The following CACNA2D3 variants were observed in gnomAD, a reference collection of about 807,000 sequenced individuals.
CACNA2D3 encodes the protein calcium voltage-gated channel auxiliary subunit alpha2delta 3, also known as voltage-dependent calcium channel subunit alpha-2/delta-3.
CACNA2D3 carries 60 observed loss-of-function variants against 160.6 expected under a neutral mutation model. That is an observed-to-expected ratio of 0.37 (90% CI 0.30 to 0.46). The LOEUF is 0.46. Ranked by LOEUF, CACNA2D3 falls within the 20% of genes least tolerant of loss-of-function variation. The probability of loss-of-function intolerance (pLI) is 1.00; values close to 1 mark genes in which losing one functional copy is unlikely to be tolerated. For missense variants in CACNA2D3, 1,205 were observed against 1,365.0 expected, an observed-to-expected ratio of 0.88 and a Z score of 1.85; for synonymous variants, 558 against 492.9, an observed-to-expected ratio of 1.13 and a Z score of -1.75.
chr3:54,191,825 G>T (rs566164883), intron 2 of CACNA2D3, among the ~76,000 whole-genome samples: 73 of 152,166 alleles, frequency 4.8e-4, no homozygotes, highest in Admixed American at 8.5e-4. Context: ...AAGAGAGAAT[G>T]TACACAGAGC....
At chr3:55,072,020 A>G (rs1184330161) in intron 35 of CACNA2D3, among the ~76,000 whole-genome samples, 2 of 152,264 alleles carry the variant, frequency 1.3e-5, no homozygotes, top group Admixed American at 6.5e-5. Flanking sequence ...CTGCTGGAGT[A>G]ACATTCTTGC....
At chr3:54,482,249 G>C (rs1404989105) in intron 4 of CACNA2D3, among the ~76,000 whole-genome samples, 3 of 152,146 alleles carry the variant, frequency 2.0e-5, no homozygotes, top group African/African-American at 7.2e-5. Context: ...TTTTGTTGTT[G>C]TATTTTTATC....
chr3:54,789,835 GA>G (rs1207234391), intron 13 of CACNA2D3: 1 of 516,828 alleles, frequency 1.9e-6, no homozygotes, highest in South Asian at 1.4e-5. Flanking sequence ...AGCTTAAAAT[GA>G]GCTGGGGCTT....
intron 13 of CACNA2D3, among the ~76,000 whole-genome samples, chr3:54,772,525 G>A (rs934513542): frequency 4.6e-5 from 7 of 152,028 alleles, no homozygotes; most frequent in African/African-American, 1.7e-4. Flanking sequence ...TCCTTTCAGG[G>A]CCCATTCTCC....
chr3:54,576,918 T>C (rs1702593878), intron 8 of CACNA2D3, among the ~76,000 whole-genome samples: 1 of 151,874 alleles, frequency 6.6e-6, no homozygotes, highest in Non-Finnish European at 1.5e-5. Flanking sequence ...GTGCCTGTGG[T>C]CCGAACTATT....
At chr3:54,252,118 C>T (rs1177421633) in intron 2 of CACNA2D3, among the ~76,000 whole-genome samples, 4 of 40,548 alleles carry the variant, frequency 9.9e-5, no homozygotes, top group Admixed American at 5.2e-4. Context: ...TTTTTTTGTA[C>T]GATACTCTCC....
chr3:54,250,662 C>G (rs944477085), intron 2 of CACNA2D3, among the ~76,000 whole-genome samples: 1 of 152,126 alleles, frequency 6.6e-6, no homozygotes, highest in Non-Finnish European at 1.5e-5. Context: ...TCTCAAACTT[C>G]TGGGCTCAAG....
intron 17 of CACNA2D3, among the ~76,000 whole-genome samples, chr3:54,857,542 G>A (rs1181517005): frequency 6.6e-6 from 1 of 152,184 alleles, no homozygotes; most frequent in Non-Finnish European, 1.5e-5. Flanking sequence ...ATGGGATTAT[G>A]CCACAGTTGC....
chr3:54,361,221 C>T (rs556974427), intron 3 of CACNA2D3, among the ~76,000 whole-genome samples: 1 of 151,304 alleles, frequency 6.6e-6, no homozygotes, highest in Non-Finnish European at 1.5e-5. Flanking sequence ...GATAGGTGGT[C>T]ATAAATGGAG....
chr3:54,276,911 G>A (rs1274563413), intron 2 of CACNA2D3, among the ~76,000 whole-genome samples: 1 of 152,242 alleles, frequency 6.6e-6, no homozygotes, highest in Non-Finnish European at 1.5e-5. Context: ...ACTGATGACT[G>A]TACACTGTGG....
intron 24 of CACNA2D3, among the ~76,000 whole-genome samples, chr3:54,890,055 T>G (rs1057136430): frequency 6.6e-6 from 1 of 152,238 alleles, no homozygotes; most frequent in Admixed American, 6.5e-5. Flanking sequence ...TCCACCATTT[T>G]GACTTTCATC....
chr3:54,578,835 T>C (rs1702629740), intron 8 of CACNA2D3, among the ~76,000 whole-genome samples: 1 of 152,232 alleles, frequency 6.6e-6, no homozygotes, highest in South Asian at 2.1e-4. Flanking sequence ...AAATCCCCTC[T>C]GGAGCCCCCA....
chr3:54,833,032 C>G (rs901628854), intron 14 of CACNA2D3, among the ~76,000 whole-genome samples: 3 of 152,198 alleles, frequency 2.0e-5, no homozygotes, highest in African/African-American at 7.2e-5. Flanking sequence ...CCACGTGGAC[C>G]TTGCACATGA....
At chr3:54,448,933 T>C (rs984481274) in intron 4 of CACNA2D3, among the ~76,000 whole-genome samples, 3 of 152,234 alleles carry the variant, frequency 2.0e-5, no homozygotes, top group Non-Finnish European at 2.9e-5. Context: ...TGTCTTGGAT[T>C]GACTCAAGAT....
chr3:54,137,000 A>G (rs1699825740), intron 2 of CACNA2D3, among the ~76,000 whole-genome samples: 1 of 152,180 alleles, frequency 6.6e-6, no homozygotes, highest in Non-Finnish European at 1.5e-5. Flanking sequence ...GCCTATGCAC[A>G]TCTTGATTGC....
At chr3:54,928,037 T>C in intron 27 of CACNA2D3, 4 of 870,224 alleles carry the variant, frequency 4.6e-6, no homozygotes, top group Non-Finnish European at 7.6e-6. Context: ...ACCCTGCCCT[T>C]GCTTTTCTTC....
rs999973832 is a variant in CACNA2D3 at position 54,122,913 on chromosome 3, C to T, written c.122+78C>T. ...CACTGTGCCCAAGTTTGGGCGCCTG[C>T]AGGTGCGGCTGGGCAGGACCCGCCG... On this transcript the variant is annotated intron_variant, in intron 1 of 37. Coordinates refer to ENST00000474759, the MANE Select transcript of CACNA2D3 (RefSeq NM_018398.3). 13 of 1,164,750 alleles carry T rather than the reference C, an allele frequency of 1.1e-5. No homozygotes were observed. In the South Asian group the frequency reaches 4.3e-4, roughly 38 times the overall value. The allele number at this position is 1,164,750 out of a possible 1,614,324, so 72.2% of individuals were successfully genotyped here. A position where few individuals can be genotyped will look rare whatever the true frequency, so the allele number is the denominator to read the frequency against.
intron 2 of CACNA2D3, among the ~76,000 whole-genome samples, chr3:54,244,723 A>G (rs1388431002): frequency 2.0e-5 from 3 of 152,264 alleles, no homozygotes; most frequent in South Asian, 4.1e-4. Context: ...AAACATTTTA[A>G]TATTTAAATC....
chr3:54,998,255 C>G (rs776439728), intron 31 of CACNA2D3, among the ~76,000 whole-genome samples: 1 of 151,402 alleles, frequency 6.6e-6, no homozygotes, highest in Non-Finnish European at 1.5e-5. Flanking sequence ...CATGTCTTAG[C>G]CTGCCGAGTA....
Sources: allele counts gnomAD v4.1 joint callset (sites outside exome capture counted in the v4.1 genomes callset), GRCh38; gene constraint gnomAD v4.1.1; transcripts MANE v1.5; gene names NCBI Gene and HGNC (gene_info 2026-07-23, HGNC 2026-07-21).